Variants in ENAH observed in about 807,000 individuals in gnomAD.
ENAH encodes protein enabled homolog.
ENAH carries 23 observed loss-of-function variants against 78.7 expected under a neutral mutation model. The ratio of observed to expected loss-of-function variants is 0.29; its 90% CI spans 0.21 to 0.41. The LOEUF is 0.41. ENAH is among the 10% of genes least tolerant of loss of function. The pLI, the probability that ENAH is intolerant of heterozygous loss-of-function variation, is 1.00. For synonymous variants in ENAH, 226 were observed against 241.0 expected (o/e 0.94, Z 0.58); for missense variants, 544 against 691.0 (o/e 0.79, Z 2.39).
intron 1 of ENAH, among the ~76,000 whole-genome samples, chr1:225,572,319 T>C (rs1221088917): frequency 6.6e-6 from 1 of 152,102 alleles, no homozygotes; most frequent in East Asian, 1.9e-4. Context: ...AAAAGCAGAC[T>C]AGATAAATCA....
intron 1 of ENAH, among the ~76,000 whole-genome samples, chr1:225,587,807 T>C (rs988916623): frequency 2.0e-5 from 3 of 152,080 alleles, no homozygotes; most frequent in Non-Finnish European, 4.4e-5. Flanking sequence ...TAGACAAATA[T>C]ATCAATGAAA....
chr1:225,577,834 C>T (rs2096795672), intron 1 of ENAH, among the ~76,000 whole-genome samples: 2 of 152,138 alleles, frequency 1.3e-5, no homozygotes, highest in African/African-American at 4.8e-5. Context: ...AGAAAAAGTA[C>T]TTTAGAGAAT....
intron 3 of ENAH, among the ~76,000 whole-genome samples, chr1:225,549,173 C>CA (rs2096629970): frequency 6.6e-6 from 1 of 152,030 alleles, no homozygotes; most frequent in African/African-American, 2.4e-5. Flanking sequence ...TTATAGGGTT[C>CA]AAAATGTTAA....
At chr1:225,637,497 G>A (rs1164660723) in intron 1 of ENAH, among the ~76,000 whole-genome samples, 3 of 152,084 alleles carry the variant, frequency 2.0e-5, no homozygotes, top group Admixed American at 6.6e-5. Flanking sequence ...GTGAGCCACC[G>A]TGCATGGCCT....
At chr1:225,622,750 A>C (rs560857285) in intron 1 of ENAH, among the ~76,000 whole-genome samples, 96 of 152,308 alleles carry the variant, frequency 6.3e-4, no homozygotes, top group African/African-American at 2.2e-3. Context: ...TTTCAACCTA[A>C]GAATCTTGGG....
At chr1:225,561,188 G>C (rs953585510) in intron 2 of ENAH, among the ~76,000 whole-genome samples, 1 of 152,162 alleles carries the variant, frequency 6.6e-6, no homozygotes, top group Non-Finnish European at 1.5e-5. Flanking sequence ...AGCAGAGATC[G>C]CACCACTGCA....
At chr1:225,545,910 CTTTTTTTT>C (rs56105983) in intron 3 of ENAH, among the ~76,000 whole-genome samples, 3 of 109,466 alleles carry the variant, frequency 2.7e-5, no homozygotes, top group African/African-American at 1.1e-4. Flanking sequence ...CATCTGTAAA[CTTTTTTTT>C]TTTTTTTTTT....
chr1:225,610,827 T>C (rs1200215000), intron 1 of ENAH, among the ~76,000 whole-genome samples: 4 of 152,130 alleles, frequency 2.6e-5, no homozygotes, highest in Middle Eastern at 3.4e-3. Context: ...AAAAAACAAA[T>C]AGCAGAATAT....
chr1:225,513,173 CTT>C (rs1280073874), intron 7 of ENAH, among the ~76,000 whole-genome samples, 157 bp from the exon 8 acceptor site: 2 of 152,126 alleles, frequency 1.3e-5, no homozygotes, highest in Non-Finnish European at 2.9e-5. Context: ...CTTAGCATGA[CTT>C]TATATATCAA....
At chr1:225,569,885 AC>A (rs1349903141) in intron 1 of ENAH, among the ~76,000 whole-genome samples, 1 of 152,126 alleles carries the variant, frequency 6.6e-6, no homozygotes, top group Non-Finnish European at 1.5e-5. Flanking sequence ...GATTAGCTAA[AC>A]CCAAATAACT....
intron 3 of ENAH, among the ~76,000 whole-genome samples, chr1:225,545,373 C>A (rs2096608368): frequency 6.6e-6 from 1 of 152,154 alleles, no homozygotes; most frequent in South Asian, 2.1e-4. Flanking sequence ...CTAGGATCCA[C>A]TTATATTCCT....
intron 12 of ENAH, among the ~76,000 whole-genome samples, chr1:225,499,792 T>C (rs2096271790): frequency 6.6e-6 from 1 of 152,242 alleles, no homozygotes; most frequent in Non-Finnish European, 1.5e-5. Context: ...GAATTAGTTT[T>C]GAATTGTGTG....
In ENAH at chr1:225,597,051, A is replaced by T. The variant is rs2096905161; in HGVS notation, c.6-29637T>A. Reference sequence around the variant, plus strand: ...CCACCTCTCCCCTTCTTTTGCCCATACTTTTTAAAAAGACAATAAAAGTCT... The same window carrying T: ...CCACCTCTCCCCTTCTTTTGCCCATTCTTTTTAAAAAGACAATAAAAGTCT... On this transcript the variant is annotated intron_variant, in intron 1 of 13. Transcript: ENST00000366843. Among the ~76,000 whole-genome samples the T allele has an allele frequency of 2.6e-5, 4 of 152,166 alleles. No individual in the cohort carries two copies. In the South Asian group the frequency reaches 8.3e-4, roughly 32 times the overall value.
chr1:225,517,478 A>G (rs2096430322), intron 5 of ENAH, 172 bp from the exon 6 acceptor site: 1 of 1,551,614 alleles, frequency 6.4e-7, no homozygotes, highest in Admixed American at 2.0e-5. Context: ...GACACTGGAT[A>G]TGTTACAGAG....
intron 2 of ENAH, among the ~76,000 whole-genome samples, chr1:225,558,497 TCA>T (rs2151446812): frequency 6.6e-6 from 1 of 152,288 alleles, no homozygotes; most frequent in Non-Finnish European, 1.5e-5. Context: ...TCTGTAAGAT[TCA>T]CAGTGATGTC....
intron 1 of ENAH, chr1:225,652,441 A>G (rs772441567): frequency 1.7e-5 from 17 of 981,992 alleles, no homozygotes; most frequent in Non-Finnish European, 1.8e-5. Flanking sequence ...ATCCTGGGTG[A>G]AAGAAGAGCA....
rs544237499 is a variant in ENAH, at chr1:225,574,398, C to T, written c.6-6984G>A. On this transcript the variant is annotated intron_variant, in intron 1 of 13. Coordinates refer to ENST00000366843, the MANE Select transcript of ENAH (RefSeq NM_018212.6). ...AGTGGATCACCTGAGGTCAGGAGTT[C>T]GAGACCAGCCTGGCCAACATGGCAA... Among the ~76,000 whole-genome samples, 479 of 152,096 alleles carry T rather than the reference C, an allele frequency of 3.1e-3. 3 individuals carry two copies. Among genetic ancestry groups the T allele is most frequent in the African/African-American group, 0.011 (455 of 41,494 alleles).
chr1:225,533,394 T>C (rs559754850), intron 3 of ENAH, among the ~76,000 whole-genome samples: 1 of 152,236 alleles, frequency 6.6e-6, no homozygotes, highest in South Asian at 2.1e-4. Flanking sequence ...AAATGCAAAA[T>C]AGGTACTTTC....
Position 225,492,772 on chromosome 1 carries a change from T to C in ENAH, c.*5003A>G, listed in dbSNP as rs912278123. ...ATTTCCCTTTCTCAATTTTCAGATG[T>C]ATCGATTCCTTCAGATTTCAACAGA... is the stretch of plus-strand genomic sequence containing the variant. On this transcript the variant is annotated 3_prime_UTR_variant, in exon 14 of 14. Transcript: ENST00000366843. 1.3e-5 allele frequency: 2 copies of C among 152,244 alleles called. No homozygotes were observed. Among genetic ancestry groups the C allele is most frequent in the Admixed American group, 1.3e-4 (2 of 15,288 alleles). 9.4% of individuals were successfully genotyped at this position (152,244 alleles called of 1,614,324 possible). A position where few individuals can be genotyped will look rare whatever the true frequency, so the allele number is the denominator to read the frequency against.
Sources: allele counts gnomAD v4.1 joint callset (sites outside exome capture counted in the v4.1 genomes callset), GRCh38; gene constraint gnomAD v4.1.1; transcripts MANE v1.5; gene names NCBI Gene and HGNC (gene_info 2026-07-23, HGNC 2026-07-21).